CACNA1B: variants seen among roughly 807,000 people sequenced by gnomAD.
CACNA1B encodes the protein calcium voltage-gated channel subunit alpha1 B.
CACNA1B carries 70 observed loss-of-function variants against 247.2 expected under a neutral mutation model. The observed-to-expected ratio is 0.28, with a 90% CI of 0.23 to 0.35. CACNA1B has a LOEUF of 0.35. Among genes scored for constraint, CACNA1B ranks in the 10% least tolerant of loss-of-function variants. The pLI is 1.00. For missense variants in CACNA1B, 2,367 were observed against 3,197.4 expected, an observed-to-expected ratio of 0.74 and a Z score of 6.26; for synonymous variants, 1,231 against 1,294.4, an observed-to-expected ratio of 0.95 and a Z score of 1.05.
intron 39 of CACNA1B, among the ~76,000 whole-genome samples, chr9:138,109,686 A>T (rs2131359295): frequency 6.6e-6 from 1 of 152,338 alleles, no homozygotes; most frequent in Non-Finnish European, 1.5e-5. Flanking sequence ...GGACAGCTTG[A>T]TCCATAGCAC....
rs1197663764 is a variant in CACNA1B at position 138,078,271 on chromosome 9, C to T, written c.5094+13C>T. ...GTGCTCCTTTCTGGTGAGTCCTGGGCACTGTGCCCCTCCCAGTGCCACGTC... is the reference window on the plus strand; with the variant it reads ...GTGCTCCTTTCTGGTGAGTCCTGGGTACTGTGCCCCTCCCAGTGCCACGTC... On this transcript the variant is annotated intron_variant, in intron 36 of 46. Coordinates refer to ENST00000371372, the MANE Select transcript of CACNA1B (RefSeq NM_000718.4). The T allele has an allele frequency of 1.2e-6, 2 of 1,613,180 alleles. No homozygotes were observed. Among genetic ancestry groups the T allele is most frequent in the Non-Finnish European group, 1.7e-6 (2 of 1,179,370 alleles).
chr9:137,967,955 G>T (rs1366246670), intron 10 of CACNA1B, among the ~76,000 whole-genome samples: 1 of 152,178 alleles, frequency 6.6e-6, no homozygotes, highest in Non-Finnish European at 1.5e-5. Flanking sequence ...TCACCTCCAC[G>T]TTGGAGATGC....
chr9:138,086,566 G>A (rs1960699986), intron 36 of CACNA1B, among the ~76,000 whole-genome samples: 1 of 151,154 alleles, frequency 6.6e-6, no homozygotes, highest in African/African-American at 2.4e-5. Context: ...GGCAAGGAAT[G>A]TCATTATATA....
intron 20 of CACNA1B, among the ~76,000 whole-genome samples, chr9:138,034,804 C>G (rs938823386): frequency 6.6e-6 from 1 of 152,140 alleles, no homozygotes; most frequent in African/African-American, 2.4e-5. Flanking sequence ...CCCCCCTTAT[C>G]CATGGTTTTA....
intron 31 of CACNA1B, among the ~76,000 whole-genome samples, chr9:138,062,311 G>GC (rs1422921771): frequency 1.3e-5 from 2 of 152,182 alleles, no homozygotes; most frequent in African/African-American, 4.8e-5. Flanking sequence ...AGTATACCAA[G>GC]CAACCCATCC....
chr9:138,024,666 T>TC (rs1273124750), intron 19 of CACNA1B, among the ~76,000 whole-genome samples: 1 of 152,144 alleles, frequency 6.6e-6, no homozygotes, highest in Non-Finnish European at 1.5e-5. Context: ...GACCGCACTG[T>TC]CGCCCAGGGT....
intron 21 of CACNA1B, among the ~76,000 whole-genome samples, chr9:138,045,941 T>C (rs965277737): frequency 1.3e-5 from 2 of 151,906 alleles, no homozygotes; most frequent in Non-Finnish European, 2.9e-5. Context: ...CTGGGGGCGG[T>C]GGACACGCCT....
intron 6 of CACNA1B, among the ~76,000 whole-genome samples, chr9:137,930,106 C>G (rs1273412933): frequency 6.6e-6 from 1 of 152,102 alleles, no homozygotes; most frequent in Non-Finnish European, 1.5e-5. Context: ...CATTGTTGAG[C>G]ATCTTTTATG....
At chr9:137,878,335 G>A (rs1956865298) in intron 1 of CACNA1B, 118 bp downstream of exon 1, 1 of 954,260 alleles carries the variant, frequency 1.0e-6, no homozygotes, top group Non-Finnish European at 1.4e-6. Context: ...GGAGACGGGC[G>A]AGGGGGGTAC....
chr9:138,004,704 A>G (rs570969183), intron 15 of CACNA1B, among the ~76,000 whole-genome samples: 30 of 152,198 alleles, frequency 2.0e-4, no homozygotes, highest in Non-Finnish European at 3.7e-4. Context: ...TGTGATGTGT[A>G]GTGGAACCCT....
Position 137,952,723 on chromosome 9 carries a change from G to T in CACNA1B, c.1070+346G>T, listed in dbSNP as rs996689433. 6.7e-6 allele frequency among the ~76,000 whole-genome samples: 1 copy of T among 149,988 alleles called. No individual in the cohort carries two copies. The highest frequency in any genetic ancestry group is 2.5e-5 in the African/African-American group (1 of 40,092). On this transcript the variant is annotated intron_variant, in intron 7 of 46. Transcript: ENST00000371372. The surrounding 1 kb of genome is among the most constrained non-coding windows in gnomAD (Gnocchi z 4.8). Reference sequence around the variant, plus strand: ...GTGGTCTGTAATGGGAGGTTGGTCTGGGGGGATGGGAGGTGTGGTCTGTAT... The same window carrying T: ...GTGGTCTGTAATGGGAGGTTGGTCTTGGGGGATGGGAGGTGTGGTCTGTAT...
intron 21 of CACNA1B, among the ~76,000 whole-genome samples, chr9:138,044,782 C>T (rs1209808648): frequency 6.6e-6 from 1 of 152,246 alleles, no homozygotes; most frequent in East Asian, 1.9e-4. Flanking sequence ...CTTCTTTCAC[C>T]ACCCAACCGT....
intron 15 of CACNA1B, among the ~76,000 whole-genome samples, chr9:137,999,281 C>A (rs906617425): frequency 4.6e-5 from 7 of 152,024 alleles, no homozygotes; most frequent in Non-Finnish European, 8.8e-5. Flanking sequence ...CAGAGCACAA[C>A]TTTGATATCA....
intron 6 of CACNA1B, among the ~76,000 whole-genome samples, chr9:137,927,017 A>G (rs533907681): frequency 1.3e-5 from 2 of 152,270 alleles, no homozygotes; most frequent in East Asian, 3.9e-4. Flanking sequence ...CATTTGATGC[A>G]CAACATTTTA....
chr9:138,095,650 G>C (rs1055413089), intron 36 of CACNA1B, among the ~76,000 whole-genome samples: 1 of 152,148 alleles, frequency 6.6e-6, no homozygotes, highest in Admixed American at 6.5e-5. Flanking sequence ...AGATGTATCT[G>C]CATAGAAACT....
Position 138,114,233 on chromosome 9 carries a change from T to C in CACNA1B, c.5537-145T>C, listed in dbSNP as rs888498025. ...TGGTGGCCGAGCCCCATGTTCTGCC[T>C]GAGAGCCCTCTGTCCCAGTGCATTT... On this transcript the variant is annotated intron_variant, in intron 40 of 46. Transcript: ENST00000371372. The C allele has an allele frequency of 5.1e-5, 31 of 602,154 alleles. No individual in the cohort carries two copies. The East Asian group carries it at 5.6e-4, about 11-fold the overall frequency. 37.3% of individuals were successfully genotyped at this position (602,154 alleles called of 1,614,324 possible).
Position 138,023,709 on chromosome 9 carries a change from A to G in CACNA1B, c.2966A>G (p.His989Arg), listed in dbSNP as rs2133439486. Reference sequence around the variant, plus strand: ...GCCCGGCACAAGGCGCAGCCTGCTCACGAGGCTGTGGAGAAGGAGACCACG... The same window carrying G: ...GCCCGGCACAAGGCGCAGCCTGCTCGCGAGGCTGTGGAGAAGGAGACCACG... ...HRARHKAQPA[H>R]EAVEKETTEK... is the part of the protein sequence containing the mutation. Residue 989 changes from histidine (H) to arginine (R), a missense_variant, in exon 19 of 47, where the codon CAC (histidine) becomes CGC (arginine). His to Arg is a conservative substitution (Grantham distance 29). Around this residue, in one of 12 missense-constraint regions of CACNA1B, gnomAD observed 631 missense variants for 631.1 expected, o/e 1.00. Transcript: ENST00000371372. The G allele has an allele frequency of 1.3e-6, 2 of 1,542,824 alleles. No homozygotes were observed.
At position 137,952,209 on chromosome 9, in the gene CACNA1B, G is replaced by T. The variant is rs1425539101; in HGVS notation, c.967-65G>T. 7.7e-7 allele frequency: 1 copy of T among 1,292,616 alleles called. No homozygotes were observed. The highest frequency in any genetic ancestry group is 1.5e-5 in the African/African-American group (1 of 68,858). 80.1% of individuals were successfully genotyped at this position (1,292,616 alleles called of 1,614,324 possible). On this transcript the variant is annotated intron_variant, in intron 6 of 46. Transcript: ENST00000371372. This position sits in a 1 kb window ranked among gnomAD's most constrained non-coding sequence, Gnocchi z 4.8. ...GAAGGAGGCCTGTTGGGGGCTGGGG[G>T]TGCTCCTGTGGCCGGGACTGTGTTT...
intron 20 of CACNA1B, among the ~76,000 whole-genome samples, chr9:138,037,660 A>G (rs1959063040): frequency 2.0e-5 from 3 of 151,672 alleles, no homozygotes; most frequent in South Asian, 4.2e-4. Flanking sequence ...CTCTGTCTCA[A>G]AAAAAACAAA....
Sources: gnomAD v4.1 joint callset for allele counts (sites outside exome capture counted in the v4.1 genomes callset) on GRCh38, gnomAD v4.1.1 for gene constraint, gnomAD v4.1.1 regional missense constraint, Gnocchi (gnomAD v3.1) non-coding constraint, MANE v1.5 for transcripts, NCBI Gene and HGNC (gene_info 2026-07-23, HGNC 2026-07-21) for gene names.